Variants in PLXDC1 observed in about 807,000 individuals in gnomAD.
PLXDC1 encodes plexin domain-containing protein 1.
In PLXDC1, 39 loss-of-function variants were observed where a neutral mutation model predicts 61.3. That is an observed-to-expected ratio of 0.64 (90% CI 0.49 to 0.83). The LOEUF (loss-of-function observed/expected upper bound fraction) is 0.83. Ranked by LOEUF, PLXDC1 falls within the 40% of genes least tolerant of loss-of-function variation. PLXDC1 has a pLI of 0.00. For missense variants in PLXDC1, 596 were observed against 666.5 expected, an observed-to-expected ratio of 0.89 and a Z score of 1.17; for synonymous variants, 212 against 254.5, an observed-to-expected ratio of 0.83 and a Z score of 1.59.
rs1908796945 is a variant in PLXDC1, at chr17:39,063,825, AG to A, written c.*4014del. 1 of 293,100 alleles carries A rather than the reference AG, an allele frequency of 3.4e-6. No homozygotes were observed. Among genetic ancestry groups the A allele is most frequent in the Admixed American group, 4.9e-5 (1 of 20,470 alleles). 18.2% of individuals were successfully genotyped at this position (293,100 alleles called of 1,614,324 possible). Reference sequence around the variant, plus strand: ...TCTTCTGGTGTAGGTTTGCTTGGCCAGGGAGTCTGAGTGCAGCCCCTGATCA... The same window carrying A: ...TCTTCTGGTGTAGGTTTGCTTGGCCAGGAGTCTGAGTGCAGCCCCTGATCA... On this transcript the variant is annotated 3_prime_UTR_variant, in exon 14 of 14. Transcript: ENST00000315392.
intron 1 of PLXDC1, among the ~76,000 whole-genome samples, chr17:39,148,382 A>T (rs1005240477): frequency 5.3e-5 from 8 of 151,286 alleles, no homozygotes; most frequent in South Asian, 2.1e-4. Flanking sequence ...TTTTTATTTT[A>T]ATTTTAATTT....
chr17:39,104,349 G>A (rs1461037983), intron 7 of PLXDC1, among the ~76,000 whole-genome samples: 2 of 152,146 alleles, frequency 1.3e-5, no homozygotes, highest in East Asian at 3.9e-4. Context: ...CCAGAGCTGA[G>A]CCCCTAACAC....
At chr17:39,123,047 G>A (rs368197499) in intron 2 of PLXDC1, among the ~76,000 whole-genome samples, 2 of 152,138 alleles carry the variant, frequency 1.3e-5, no homozygotes, top group Admixed American at 6.5e-5. Flanking sequence ...AGCACAATTC[G>A]AAAACCATTG....
At chr17:39,125,704 A>G (rs934940767) in intron 2 of PLXDC1, among the ~76,000 whole-genome samples, 4 of 152,188 alleles carry the variant, frequency 2.6e-5, no homozygotes, top group Admixed American at 6.5e-5. Flanking sequence ...CTTCTGTCAC[A>G]TTTCATGATA....
chr17:39,105,275 A>C (rs886096317), intron 7 of PLXDC1, among the ~76,000 whole-genome samples: 1 of 152,210 alleles, frequency 6.6e-6, no homozygotes, highest in Non-Finnish European at 1.5e-5. Context: ...GACCCTCGTG[A>C]GCACGCAATG....
intron 6 of PLXDC1, among the ~76,000 whole-genome samples, chr17:39,106,507 G>A (rs965204947): frequency 1.3e-5 from 2 of 151,186 alleles, no homozygotes; most frequent in Non-Finnish European, 3.0e-5. Context: ...TTTAATAGAG[G>A]TGTGTGTCTC....
At chr17:39,118,911 G>A (rs183996511) in intron 2 of PLXDC1, among the ~76,000 whole-genome samples, 2 of 152,228 alleles carry the variant, frequency 1.3e-5, no homozygotes, top group East Asian at 3.9e-4. Flanking sequence ...CATTCAAGAT[G>A]AACAGAGTCT....
At chr17:39,126,091 T>C (rs1473196079) in intron 2 of PLXDC1, among the ~76,000 whole-genome samples, 5 of 151,980 alleles carry the variant, frequency 3.3e-5, no homozygotes, top group Admixed American at 3.3e-4. Flanking sequence ...CTGTCTCTAA[T>C]AAAACTATAA....
At chr17:39,105,815 A>G (rs1567762346) in intron 7 of PLXDC1, 39 bp downstream of exon 7, 7 of 1,339,266 alleles carry the variant, frequency 5.2e-6, no homozygotes, top group Non-Finnish European at 7.5e-6. Flanking sequence ...GCGGAGTCCT[A>G]CCCCCATCAA....
At chr17:39,080,141 G>C (rs979486697) in intron 9 of PLXDC1, 1 of 153,912 alleles carries the variant, frequency 6.5e-6, no homozygotes, top group African/African-American at 2.4e-5. Flanking sequence ...GCTGGGTGTG[G>C]TGGCTCATGC....
intron 7 of PLXDC1, among the ~76,000 whole-genome samples, chr17:39,095,272 G>T (rs1168772707): frequency 6.6e-6 from 1 of 151,172 alleles, no homozygotes; most frequent in Non-Finnish European, 1.5e-5. Flanking sequence ...ATCTCTAATT[G>T]AAACTATTTG....
At chr17:39,152,778 AAAAAAAG>A, upstream of PLXDC1, 26 of 881,736 alleles carry the variant, frequency 2.9e-5, no homozygotes, top group Non-Finnish European at 3.9e-5. Context: ...GTTAAAAAAA[AAAAAAAG>A]AAAAGAAAAG....
chr17:39,089,558 C>A (rs539022577), intron 7 of PLXDC1, among the ~76,000 whole-genome samples: 13 of 152,180 alleles, frequency 8.5e-5, no homozygotes, highest in Non-Finnish European at 1.6e-4. Context: ...CTCCGTGCAC[C>A]CCCCTTTTCC....
chr17:39,074,140 G>A (rs369508987), intron 11 of PLXDC1, among the ~76,000 whole-genome samples: 1 of 152,166 alleles, frequency 6.6e-6, no homozygotes, highest in Admixed American at 6.5e-5. Context: ...TAACCACACA[G>A]GCAGGAGAGT....
chr17:39,107,956 A>AT, intron 5 of PLXDC1, 167 bp downstream of exon 5: 1 of 763,290 alleles, frequency 1.3e-6, no homozygotes, highest in Non-Finnish European at 2.2e-6. Context: ...GGTAGCAGGC[A>AT]TTTTTGCCCC....
chr17:39,106,015 C>T (rs1910580893), intron 6 of PLXDC1, 62 bp from the exon 7 acceptor site: 3 of 1,112,404 alleles, frequency 2.7e-6, no homozygotes, highest in African/African-American at 1.5e-5. Context: ...CCCAGCCCTC[C>T]CCTGTGAGCT....
At chr17:39,080,635 C>T (rs551929510) in intron 9 of PLXDC1, 1 of 152,344 alleles carries the variant, frequency 6.6e-6, no homozygotes, top group African/African-American at 2.4e-5. Context: ...GTTCAGCTCT[C>T]AGTTGCAGCT....
chr17:39,092,049 G>A (rs999835760), intron 7 of PLXDC1, among the ~76,000 whole-genome samples: 14 of 151,442 alleles, frequency 9.2e-5, no homozygotes, highest in Admixed American at 8.6e-4. Flanking sequence ...CCCATAGACA[G>A]ATACAACTTT....
At chr17:39,143,988 G>A (rs1050310035) in intron 1 of PLXDC1, among the ~76,000 whole-genome samples, 1 of 152,220 alleles carries the variant, frequency 6.6e-6, no homozygotes, top group Non-Finnish European at 1.5e-5. Context: ...CCTGGGGCCT[G>A]GGCAGGAGCC....
Sources: gnomAD v4.1 joint callset for allele counts (sites outside exome capture counted in the v4.1 genomes callset) on GRCh38, gnomAD v4.1.1 for gene constraint, MANE v1.5 for transcripts, NCBI Gene and HGNC (gene_info 2026-07-23, HGNC 2026-07-21) for gene names.